The following SERAC1 variants were observed in gnomAD, a reference collection of about 807,000 sequenced individuals.
SERAC1 encodes protein SERAC1.
A neutral mutation model predicts 85.7 loss-of-function variants in SERAC1; 36 were observed. The observed-to-expected ratio is 0.42, with a 90% CI of 0.32 to 0.55. The LOEUF is 0.55. Ranked by LOEUF, SERAC1 falls within the 20% of genes least tolerant of loss-of-function variation. The pLI, the probability that SERAC1 is intolerant of heterozygous loss-of-function variation, is 0.11. For missense variants in SERAC1, 629 were observed against 796.2 expected (o/e 0.79, Z 2.53); for synonymous variants, 242 against 265.3 (o/e 0.91, Z 0.85).
In SERAC1 at chr6:158,111,173, G is replaced by C. The variant is rs986380568; in HGVS notation, c.*193C>G. 2.3e-6 allele frequency: 1 copy of C among 439,396 alleles called. No individual in the cohort carries two copies. The highest frequency in any genetic ancestry group is 2.0e-5 in the African/African-American group (1 of 49,274). 27.2% of individuals were successfully genotyped at this position (439,396 alleles called of 1,614,324 possible). ...GGGGCCCAATCCAGCCCTTCCTTCT[G>C]TGCCTGCCACTTCCGGGTTGGTGCT... is the stretch of plus-strand genomic sequence containing the variant. On this transcript the variant is annotated 3_prime_UTR_variant, in exon 17 of 17. Coordinates refer to ENST00000647468, the MANE Select transcript of SERAC1 (RefSeq NM_032861.4).
rs1784310178 is a variant in SERAC1 at position 158,117,223 on chromosome 6, A to C, written c.1403+504T>G. ...GTAGACAAAGCTTCCCGGAAAAGTT[A>C]ACTGACTGGTCTAAGACTGCACAGC... On this transcript the variant is annotated intron_variant, in intron 13 of 16. Transcript: ENST00000647468. This position sits in a 1 kb window ranked among gnomAD's most constrained non-coding sequence, Gnocchi z 4.3. 1 of 309,894 alleles carries C rather than the reference A, an allele frequency of 3.2e-6. No individual in the cohort carries two copies. Among genetic ancestry groups the C allele is most frequent in the Non-Finnish European group, 6.0e-6 (1 of 167,942 alleles). 19.2% of individuals were successfully genotyped at this position (309,894 alleles called of 1,614,324 possible).
At position 158,117,503 on chromosome 6, in the gene SERAC1, A is replaced by G. The variant is rs1164063681; in HGVS notation, c.1403+224T>C. On this transcript the variant is annotated intron_variant, in intron 13 of 16. Coordinates refer to ENST00000647468, the MANE Select transcript of SERAC1 (RefSeq NM_032861.4). This position sits in a 1 kb window ranked among gnomAD's most constrained non-coding sequence, Gnocchi z 4.3. ...CTATTAGAACAGTTGTAAATAAACC[A>G]TGTTAGGAGCCCACCATTGGTGATA... 3.9e-6 allele frequency: 6 copies of G among 1,549,606 alleles called. No homozygotes were observed. Among genetic ancestry groups the G allele is most frequent in the Admixed American group, 2.0e-5 (1 of 50,882 alleles).
At position 158,117,695 on chromosome 6, in the gene SERAC1, CT is replaced by C; in HGVS notation, c.1403+31del. On this transcript the variant is annotated intron_variant, in intron 13 of 16. Transcript: ENST00000647468. This position sits in a 1 kb window ranked among gnomAD's most constrained non-coding sequence, Gnocchi z 4.3. ...CTAAACTTGCGGCCTGAATTCTTCC[CT>C]GTCCTCCTGGTCTAAAGTCGCCTCT... 3.1e-6 allele frequency: 5 copies of C among 1,612,406 alleles called. No individual in the cohort carries two copies.
At chr6:158,155,250 A>C in intron 3 of SERAC1, 65 bp downstream of exon 3, 1 of 1,110,808 alleles carries the variant, frequency 9.0e-7, no homozygotes, top group Admixed American at 1.9e-5. Flanking sequence ...CCTGTCAATC[A>C]CTGCCATTGA....
At chr6:158,147,768 CAAAAAAAAAAAAAAAAAAA>C (rs71027383) in intron 5 of SERAC1, among the ~76,000 whole-genome samples, 41 of 68,938 alleles carry the variant, frequency 5.9e-4, no homozygotes, top group Middle Eastern at 6.8e-3. Flanking sequence ...GGCTCTGTCT[CAAAAAAAAAAAAAAAAAAA>C]AAAAAAAAAA....
Position 158,117,450 on chromosome 6 carries a change from A to G in SERAC1, c.1403+277T>C. ...TCACTTTTACTTCTGATAGAAAAGG[A>G]GACTGCTAGACAATCCACGATCCTT... On this transcript the variant is annotated intron_variant, in intron 13 of 16. Coordinates refer to ENST00000647468, the MANE Select transcript of SERAC1 (RefSeq NM_032861.4). This position sits in a 1 kb window ranked among gnomAD's most constrained non-coding sequence, Gnocchi z 4.3. 2 of 1,427,600 alleles carry G rather than the reference A, an allele frequency of 1.4e-6. No homozygotes were observed. 88.4% of individuals were successfully genotyped at this position (1,427,600 alleles called of 1,614,324 possible).
At chr6:158,122,536 C>T (rs1784446823) in intron 10 of SERAC1, among the ~76,000 whole-genome samples, 1 of 152,106 alleles carries the variant, frequency 6.6e-6, no homozygotes, top group Non-Finnish European at 1.5e-5. Context: ...AATCCCAACA[C>T]TTTGGGAGGC....
chr6:158,132,140 G>A (rs1385995443), intron 8 of SERAC1, among the ~76,000 whole-genome samples: 1 of 152,118 alleles, frequency 6.6e-6, no homozygotes, highest in East Asian at 1.9e-4. Flanking sequence ...CAGCCCACCT[G>A]CTGGCAAAAG....
At chr6:158,123,459 C>T (rs1222533348) in intron 10 of SERAC1, among the ~76,000 whole-genome samples, 4 of 152,122 alleles carry the variant, frequency 2.6e-5, no homozygotes, top group Non-Finnish European at 5.9e-5. Flanking sequence ...TCAATTGTCT[C>T]AGTAAAGTAG....
chr6:158,140,483 C>G (rs1351877184), intron 8 of SERAC1, among the ~76,000 whole-genome samples: 1 of 152,240 alleles, frequency 6.6e-6, no homozygotes, highest in Non-Finnish European at 1.5e-5. Flanking sequence ...CCCCTTCCTA[C>G]ATAGCTTGCC....
At chr6:158,139,590 T>C (rs1784870518) in intron 8 of SERAC1, among the ~76,000 whole-genome samples, 1 of 152,178 alleles carries the variant, frequency 6.6e-6, no homozygotes, top group Non-Finnish European at 1.5e-5. Context: ...GGAGCCATGG[T>C]GGCTCACACC....
At chr6:158,165,230 A>G in intron 1 of SERAC1, among the ~76,000 whole-genome samples, 1 of 151,722 alleles carries the variant, frequency 6.6e-6, no homozygotes, top group Admixed American at 6.6e-5. Context: ...ATCTCGGCTC[A>G]CTGCAAACTC....
In SERAC1 at chr6:158,120,570, C is replaced by T. The variant is rs1554261766; in HGVS notation, c.1021G>A (p.Val341Ile). 6.2e-7 allele frequency: 1 copy of T among 1,613,620 alleles called. No homozygotes were observed. The highest frequency in any genetic ancestry group is 8.5e-7 in the Non-Finnish European group (1 of 1,179,802). Reference protein sequence around the residue: ...LHSSIVRSGWVSIMAEAMKSP... With the variant: ...LHSSIVRSGWISIMAEAMKSP... The stretch of plus-strand genomic sequence containing the variant: ...TTCATTGCTTCTGCCATGATGGAAA[C>T]CCAGCCTGGTGAAAAGTACACATAT... Residue 341 changes from valine (V) to isoleucine (I), a missense_variant, in exon 11 of 17, where the codon GTT becomes ATT. Coordinates refer to ENST00000647468, the MANE Select transcript of SERAC1 (RefSeq NM_032861.4). The surrounding 1 kb of genome is among the most constrained non-coding windows in gnomAD (Gnocchi z 4.4).
At chr6:158,167,032 G>A (rs557902928) in intron 1 of SERAC1, among the ~76,000 whole-genome samples, 1 of 151,908 alleles carries the variant, frequency 6.6e-6, no homozygotes, top group African/African-American at 2.4e-5. Context: ...GATCAAGGAA[G>A]AGAATGTATG....
intron 9 of SERAC1, 64 bp from the exon 10 acceptor site, chr6:158,128,334 A>G (rs1784595500): frequency 6.5e-7 from 1 of 1,535,216 alleles, no homozygotes; most frequent in Non-Finnish European, 8.9e-7. Flanking sequence ...GAGATGACAC[A>G]GCCTGGTCAT....
chr6:158,167,223 TAA>T (rs34350104), intron 1 of SERAC1, among the ~76,000 whole-genome samples: 35,429 of 101,344 alleles, frequency 0.35, 6,018 homozygotes, highest in Middle Eastern at 0.41. Flanking sequence ...CACACGATGT[TAA>T]AAAAAAAAAA....
intron 7 of SERAC1, among the ~76,000 whole-genome samples, 163 bp from the exon 8 acceptor site, chr6:158,143,347 CTATATATATATA>C (rs753604114): frequency 0.06 from 2,772 of 46,300 alleles, 48 homozygotes; most frequent in East Asian, 0.11. Context: ...CTCTCTCTCT[CTATATATATATA>C]TATATATATA....
At chr6:158,150,693 G>C in intron 3 of SERAC1, 104 bp from the exon 4 acceptor site, 2 of 812,412 alleles carry the variant, frequency 2.5e-6, no homozygotes, top group South Asian at 3.2e-5. Context: ...TTTTTTGTTG[G>C]GAAACATAAC....
rs1562434003 is a variant in SERAC1 at position 158,117,694 on chromosome 6, CCT to C, written c.1403+31_1403+32del. Reference sequence around the variant, plus strand: ...CCTAAACTTGCGGCCTGAATTCTTCCCTGTCCTCCTGGTCTAAAGTCGCCTCT... The same window carrying C: ...CCTAAACTTGCGGCCTGAATTCTTCCGTCCTCCTGGTCTAAAGTCGCCTCT... On this transcript the variant is annotated intron_variant, in intron 13 of 16. Coordinates refer to ENST00000647468, the MANE Select transcript of SERAC1 (RefSeq NM_032861.4). This position sits in a 1 kb window ranked among gnomAD's most constrained non-coding sequence, Gnocchi z 4.3. 3 of 1,612,238 alleles carry C rather than the reference CCT, an allele frequency of 1.9e-6. No individual in the cohort carries two copies. The highest frequency in any genetic ancestry group is 4.5e-5 in the East Asian group (2 of 44,866).
Sources: allele counts gnomAD v4.1 joint callset (sites outside exome capture counted in the v4.1 genomes callset), GRCh38; gene constraint gnomAD v4.1.1; non-coding constraint Gnocchi (gnomAD v3.1); transcripts MANE v1.5; gene names NCBI Gene and HGNC (gene_info 2026-07-23, HGNC 2026-07-21).